ITPR1: variants seen among roughly 807,000 people sequenced by gnomAD.
ITPR1 encodes the protein inositol 1,4,5-trisphosphate receptor type 1, also known as inositol 1,4,5-trisphosphate-gated calcium channel ITPR1.
ITPR1 carries 96 observed loss-of-function variants against 318.4 expected under a neutral mutation model. The ratio of observed to expected loss-of-function variants is 0.30; its 90% CI spans 0.26 to 0.36. The LOEUF (loss-of-function observed/expected upper bound fraction) is 0.36, where lower values mean the gene tolerates loss of function less well. Among genes scored for constraint, ITPR1 ranks in the 10% least tolerant of loss-of-function variants. The pLI, the probability that ITPR1 is intolerant of heterozygous loss-of-function variation, is 1.00. For synonymous variants in ITPR1, 1,312 were observed against 1,289.9 expected, an observed-to-expected ratio of 1.02 and a Z score of -0.37; for missense variants, 2,440 against 3,460.2, an observed-to-expected ratio of 0.71 and a Z score of 7.40.
rs1424305314 is a variant in ITPR1 at position 4,710,230 on chromosome 3, C to T, written c.4843-95C>T. The T allele has an allele frequency of 8.3e-6, 10 of 1,197,642 alleles. No homozygotes were observed. Among genetic ancestry groups the T allele is most frequent in the Middle Eastern group, 3.1e-4 (1 of 3,276 alleles). The allele number at this position is 1,197,642 out of a possible 1,614,324, so 74.2% of individuals were successfully genotyped here. ...TAAAGTTACTCTAACCTAGCCTACCCGTGCATCAGTGTTTTAGGGCAGAAA... is the reference window on the plus strand; with the variant it reads ...TAAAGTTACTCTAACCTAGCCTACCTGTGCATCAGTGTTTTAGGGCAGAAA... On this transcript the variant is annotated intron_variant, in intron 37 of 61. Coordinates refer to ENST00000649015, the MANE Select transcript of ITPR1 (RefSeq NM_001378452.1). The surrounding 1 kb of genome is among the most constrained non-coding windows in gnomAD (Gnocchi z 4.2).
Position 4,735,207 on chromosome 3 carries a change from T to A in ITPR1, c.5397T>A (p.Ser1799Arg), listed in dbSNP as rs376278816. ...GSSSMSRGEMSLAEVQCHLDK... is the reference protein window; with the variant it reads ...GSSSMSRGEMRLAEVQCHLDK... ...GCTCTATGAGCAGGGGTGAGATGAG[T>A]CTGGCCGAGGTTCAGTGTCACCTTG... Residue 1799 changes from serine to arginine, a missense_variant, in exon 44 of 62, where the codon AGT becomes AGA. Coordinates refer to ENST00000649015, the MANE Select transcript of ITPR1 (RefSeq NM_001378452.1). 6.2e-7 allele frequency: 1 copy of A among 1,613,924 alleles called. No homozygotes were observed. Among genetic ancestry groups the A allele is most frequent in the Non-Finnish European group, 8.5e-7 (1 of 1,179,852 alleles).
chr3:4,609,220 G>C lies in ITPR1; in HGVS notation c.164-18543G>C, dbSNP rs200455801. Among the ~76,000 whole-genome samples, 17 of 149,602 alleles carry C rather than the reference G, an allele frequency of 1.1e-4. 1 individual carries two copies. The East Asian group carries it at 3.0e-3, about 26-fold the overall frequency. ...ACTATGATAAGCCTCTATTTGGGGT[G>C]GGAAGGTATCATATCTTTCAGGTGG... On this transcript the variant is annotated intron_variant, in intron 4 of 61. Transcript: ENST00000649015.
chr3:4,746,661 G>A (rs1286390483), intron 44 of ITPR1, among the ~76,000 whole-genome samples: 1 of 152,226 alleles, frequency 6.6e-6, no homozygotes, highest in Non-Finnish European at 1.5e-5. Flanking sequence ...TCCCCTCGAG[G>A]AGCCTCCACA....
intron 61 of ITPR1, among the ~76,000 whole-genome samples, chr3:4,841,413 A>G (rs1397605659): frequency 6.6e-6 from 1 of 152,202 alleles, no homozygotes; most frequent in African/African-American, 2.4e-5. Context: ...ACGGCATGAA[A>G]ATGCATGGCA....
chr3:4,655,428 C>T (rs115675437), intron 12 of ITPR1, among the ~76,000 whole-genome samples: 4,787 of 152,144 alleles, frequency 0.031, 190 homozygotes, highest in African/African-American at 0.093. Context: ...AAATACCAGA[C>T]CTACCATTTA....
intron 20 of ITPR1, 96 bp from the exon 21 acceptor site, chr3:4,673,040 G>A (rs920181115): frequency 1.0e-5 from 14 of 1,369,542 alleles, no homozygotes; most frequent in African/African-American, 1.4e-5. Flanking sequence ...TTGGCCAAAT[G>A]TCACTCCCAT....
chr3:4,590,010 T>C (rs2090254679), intron 4 of ITPR1, among the ~76,000 whole-genome samples: 1 of 152,094 alleles, frequency 6.6e-6, no homozygotes, highest in Non-Finnish European at 1.5e-5. Flanking sequence ...GCCTTTGTGC[T>C]TAATGTTCCT....
rs574933731 is a variant in ITPR1 at position 4,602,161 on chromosome 3, A to G, written c.164-25602A>G. Among the ~76,000 whole-genome samples the G allele has an allele frequency of 3.3e-5, 5 of 152,374 alleles. No homozygotes were observed. The East Asian group carries it at 9.6e-4, about 29-fold the overall frequency. On this transcript the variant is annotated intron_variant, in intron 4 of 61. Transcript: ENST00000649015. ...AAAAGGTTAAACATAGAGTTACTAT[A>G]TGATTCAGCAGTTTCACTCCTTAGG...
At chr3:4,494,757 A>G (rs2080420095) in intron 2 of ITPR1, among the ~76,000 whole-genome samples, 1 of 152,228 alleles carries the variant, frequency 6.6e-6, no homozygotes, top group African/African-American at 2.4e-5. Flanking sequence ...GGAAAAGGCC[A>G]TTAAATGGAG....
chr3:4,702,794 TC>T, intron 35 of ITPR1, 35 bp from the exon 36 acceptor site: 1 of 1,605,290 alleles, frequency 6.2e-7, no homozygotes, highest in African/African-American at 1.3e-5. Context: ...CAAATAAAAA[TC>T]TGTTTTTCAC....
At chr3:4,836,746 T>C (rs2050953517) in intron 60 of ITPR1, 28 bp from the exon 61 acceptor site, 2 of 893,146 alleles carry the variant, frequency 2.2e-6, no homozygotes, top group East Asian at 4.2e-5. Context: ...TTTTTTTTTT[T>C]TTTTTTTTTT....
intron 44 of ITPR1, among the ~76,000 whole-genome samples, chr3:4,741,132 C>T (rs2043673939): frequency 6.6e-6 from 1 of 152,152 alleles, no homozygotes; most frequent in Admixed American, 6.5e-5. Context: ...GCTTCCTCTT[C>T]CTTACAGAAG....
At chr3:4,725,227 G>A (rs895089453) in intron 40 of ITPR1, among the ~76,000 whole-genome samples, 3 of 152,022 alleles carry the variant, frequency 2.0e-5, no homozygotes, top group Non-Finnish European at 2.9e-5. Context: ...ATGTGCTGTG[G>A]TTTTTCCTGT....
At chr3:4,797,082 G>A (rs1191297202) in intron 53 of ITPR1, among the ~76,000 whole-genome samples, 2 of 151,958 alleles carry the variant, frequency 1.3e-5, no homozygotes, top group Non-Finnish European at 2.9e-5. Context: ...TGGAATCATG[G>A]GCTTTAGAAC....
At chr3:4,778,894 A>G (rs917364468) in intron 48 of ITPR1, among the ~76,000 whole-genome samples, 3 of 152,268 alleles carry the variant, frequency 2.0e-5, no homozygotes, top group Admixed American at 6.5e-5. Context: ...CATACAAAGT[A>G]TCATAGACCC....
At chr3:4,606,704 C>T (rs1374053144) in intron 4 of ITPR1, among the ~76,000 whole-genome samples, 1 of 152,116 alleles carries the variant, frequency 6.6e-6, no homozygotes, top group Non-Finnish European at 1.5e-5. Flanking sequence ...CATAGAGTAG[C>T]TACCTGTGGA....
At chr3:4,614,636 T>C (rs2686615) in intron 4 of ITPR1, among the ~76,000 whole-genome samples, 136 of 152,346 alleles carry the variant, frequency 8.9e-4, no homozygotes, top group African/African-American at 3.1e-3. Context: ...ATGAACACTT[T>C]AGTGCTTCCA....
At chr3:4,557,283 T>C (rs2086223212) in intron 4 of ITPR1, among the ~76,000 whole-genome samples, 2 of 152,090 alleles carry the variant, frequency 1.3e-5, no homozygotes, top group South Asian at 4.2e-4. Context: ...AGAGAGCAGG[T>C]GCAGGGGAAC....
In ITPR1 at chr3:4,693,710, G is replaced by A. The variant is rs766019080; in HGVS notation, c.4250G>A (p.Arg1417His). The part of the protein sequence containing the change: ...NSLLPLDDIV[R>H]VVTHEDCIPE... Reference sequence around the variant, plus strand: ...CTGCTCCCGCTGGATGACATCGTTCGCGTGGTGACCCACGAGGACTGCATC... The same window carrying A: ...CTGCTCCCGCTGGATGACATCGTTCACGTGGTGACCCACGAGGACTGCATC... The change falls in exon 33 of 62, where the codon CGC becomes CAC. Residue 1417 changes from arginine (R) to histidine (H), a missense_variant. Arg to His is a conservative substitution (Grantham distance 29). Transcript: ENST00000649015. 10 of 1,613,446 alleles carry A rather than the reference G, an allele frequency of 6.2e-6. No homozygotes were observed. The Admixed American group carries it at 1.0e-4, about 16-fold the overall frequency.
Sources: allele counts gnomAD v4.1 joint callset (sites outside exome capture counted in the v4.1 genomes callset), GRCh38; gene constraint gnomAD v4.1.1; non-coding constraint Gnocchi (gnomAD v3.1); transcripts MANE v1.5; gene names NCBI Gene and HGNC (gene_info 2026-07-23, HGNC 2026-07-21).